The following SLC44A5 variants were observed in gnomAD, a reference collection of about 807,000 sequenced individuals.
SLC44A5 encodes the protein choline transporter-like protein 5.
A neutral mutation model predicts 101.8 loss-of-function variants in SLC44A5; 57 were observed. That is an observed-to-expected ratio of 0.56 (90% CI 0.45 to 0.70). The LOEUF is 0.70. Among genes scored for constraint, SLC44A5 ranks in the 30% least tolerant of loss-of-function variants. The pLI, the probability that SLC44A5 is intolerant of heterozygous loss-of-function variation, is 0.00. For missense variants in SLC44A5, 737 were observed against 853.1 expected, an observed-to-expected ratio of 0.86 and a Z score of 1.70; for synonymous variants, 281 against 290.9, an observed-to-expected ratio of 0.97 and a Z score of 0.35.
At chr1:75,351,868 A>AAAAAAAAAAAAGAGAG (rs1553165361) in intron 3 of SLC44A5, among the ~76,000 whole-genome samples, 1 of 58,468 alleles carries the variant, frequency 1.7e-5, no homozygotes, top group Non-Finnish European at 3.7e-5. Flanking sequence ...AAAAAAAAAA[A>AAAAAAAAAAAAGAGAG]AGAGAGAGAG....
At chr1:75,467,375 C>T (rs888770824) in intron 2 of SLC44A5, among the ~76,000 whole-genome samples, 3 of 152,210 alleles carry the variant, frequency 2.0e-5, no homozygotes, top group African/African-American at 7.2e-5. Flanking sequence ...ATAACCAAAG[C>T]TATCCCAAGC....
intron 9 of SLC44A5, 65 bp downstream of exon 9, chr1:75,241,936 G>A (rs905204915): frequency 1.8e-5 from 25 of 1,370,988 alleles, no homozygotes; most frequent in Non-Finnish European, 2.5e-5. Flanking sequence ...TGTGAAATAC[G>A]GGAACTTAAT....
intron 2 of SLC44A5, among the ~76,000 whole-genome samples, chr1:75,526,996 A>C (rs921665659): frequency 1.3e-5 from 2 of 151,880 alleles, no homozygotes; most frequent in Non-Finnish European, 1.5e-5. Context: ...CTAGCCGGGC[A>C]TGGTGGCATG....
the SLC44A5 span, among the ~76,000 whole-genome samples, chr1:75,633,266 C>G: frequency 3.9e-5 from 6 of 152,178 alleles, no homozygotes; most frequent in Non-Finnish European, 7.4e-5. Context: ...GAAAGGCATT[C>G]GTAGCTTGAT....
intron 3 of SLC44A5, among the ~76,000 whole-genome samples, chr1:75,368,524 T>C (rs1424922755): frequency 6.6e-6 from 1 of 152,206 alleles, no homozygotes; most frequent in African/African-American, 2.4e-5. Flanking sequence ...TGGCTTTGAC[T>C]TAGGTGGCAT....
chr1:75,274,708 A>G (rs1651775157), intron 6 of SLC44A5, among the ~76,000 whole-genome samples: 1 of 152,228 alleles, frequency 6.6e-6, no homozygotes, highest in Admixed American at 6.5e-5. Context: ...TCTATTCATT[A>G]TAATTATATT....
At chr1:75,419,475 A>G (rs1232385347) in intron 2 of SLC44A5, among the ~76,000 whole-genome samples, 2 of 152,006 alleles carry the variant, frequency 1.3e-5, no homozygotes, top group African/African-American at 4.8e-5. Flanking sequence ...GAGAGAGAAA[A>G]AAAAAAAGGA....
At chr1:75,215,659 T>A (rs893544578) in intron 19 of SLC44A5, 95 bp downstream of exon 19, 5 of 687,302 alleles carry the variant, frequency 7.3e-6, no homozygotes, top group Non-Finnish European at 1.3e-5. Flanking sequence ...TAAATTCAAC[T>A]GCATGAAGTA....
chr1:75,275,593 G>A (rs529930742), intron 5 of SLC44A5, among the ~76,000 whole-genome samples: 8 of 152,210 alleles, frequency 5.3e-5, no homozygotes, highest in African/African-American at 1.9e-4. Context: ...CTTACCCTAA[G>A]TTCTGTCTGA....
intron 2 of SLC44A5, among the ~76,000 whole-genome samples, chr1:75,430,615 G>A (rs543591200): frequency 6.6e-6 from 1 of 152,126 alleles, no homozygotes; most frequent in African/African-American, 2.4e-5. Flanking sequence ...TTATCATATA[G>A]GTCAGGTCCT....
chr1:75,677,805 G>C, the SLC44A5 span: 1 of 410,640 alleles, frequency 2.4e-6, no homozygotes, highest in Non-Finnish European at 4.7e-6. Flanking sequence ...CTCCCAGCCT[G>C]AGCGACGCAG....
chr1:75,423,359 T>C (rs1664125596), intron 2 of SLC44A5, among the ~76,000 whole-genome samples: 1 of 152,218 alleles, frequency 6.6e-6, no homozygotes, highest in South Asian at 2.1e-4. Flanking sequence ...GTTATATGAA[T>C]CTTCTATCAA....
At chr1:75,680,087 T>C in the SLC44A5 span, among the ~76,000 whole-genome samples, 1 of 152,176 alleles carries the variant, frequency 6.6e-6, no homozygotes, top group South Asian at 2.1e-4. Flanking sequence ...ATGCACCCAA[T>C]ACAGGAGCAC....
chr1:75,259,332 T>A (rs138471212), intron 6 of SLC44A5, among the ~76,000 whole-genome samples: 1 of 152,090 alleles, frequency 6.6e-6, no homozygotes, highest in Non-Finnish European at 1.5e-5. Flanking sequence ...GAGAAGAACA[T>A]AAATGACCTG....
rs142562785 is a variant in SLC44A5 at position 75,429,249 on chromosome 1, C to T, written c.14-32628G>A. 3.3e-4 allele frequency among the ~76,000 whole-genome samples: 50 copies of T among 152,278 alleles called. 1 individual carries two copies. The East Asian group carries it at 7.7e-3, about 24-fold the overall frequency. ...AGGAATCATCATCAGCCTAAAGCTA[C>T]GTTAATGTGCCCCTCTAGGTAGCAG... On this transcript the variant is annotated intron_variant, in intron 2 of 23. Transcript: ENST00000370859.
At chr1:75,274,302 T>A (rs1277880549) in intron 6 of SLC44A5, among the ~76,000 whole-genome samples, 4 of 151,730 alleles carry the variant, frequency 2.6e-5, no homozygotes, top group Non-Finnish European at 4.4e-5. Context: ...AGAGGGAAGG[T>A]TTTCTAAAAA....
At chr1:75,678,291 G>T in the SLC44A5 span, among the ~76,000 whole-genome samples, 6 of 152,160 alleles carry the variant, frequency 3.9e-5, no homozygotes, top group Admixed American at 2.0e-4. Context: ...GCCTCTGTAG[G>T]CTCCACCTCT....
the SLC44A5 span, among the ~76,000 whole-genome samples, chr1:75,650,835 C>A: frequency 6.6e-6 from 1 of 152,170 alleles, no homozygotes; most frequent in Non-Finnish European, 1.5e-5. Flanking sequence ...CTCAAGCAGT[C>A]CTCTCACTTC....
chr1:75,257,710 G>T (rs549032643), intron 6 of SLC44A5, among the ~76,000 whole-genome samples: 1 of 152,236 alleles, frequency 6.6e-6, no homozygotes, highest in East Asian at 1.9e-4. Flanking sequence ...CTTCTACTGG[G>T]TCTCACACCC....
Sources: gnomAD v4.1 joint callset for allele counts (sites outside exome capture counted in the v4.1 genomes callset) on GRCh38, gnomAD v4.1.1 for gene constraint, MANE v1.5 for transcripts, NCBI Gene and HGNC (gene_info 2026-07-23, HGNC 2026-07-21) for gene names.